MYO1B: variants seen among roughly 807,000 people sequenced by gnomAD.
The protein encoded by MYO1B is unconventional myosin-Ib.
MYO1B carries 72 observed loss-of-function variants against 159.7 expected under a neutral mutation model. The observed-to-expected ratio is 0.45, with a 90% CI of 0.37 to 0.55. The LOEUF (loss-of-function observed/expected upper bound fraction) is 0.55. MYO1B is among the 20% of genes least tolerant of loss of function. The probability of loss-of-function intolerance (pLI) is 0.00; values close to 1 mark genes in which losing one functional copy is unlikely to be tolerated. For synonymous variants in MYO1B, 468 were observed against 473.8 expected, an observed-to-expected ratio of 0.99 and a Z score of 0.16; for missense variants, 1,062 against 1,364.8, an observed-to-expected ratio of 0.78 and a Z score of 3.50.
At chr2:191,336,344 G>T (rs984946294) in intron 4 of MYO1B, among the ~76,000 whole-genome samples, 8 of 152,124 alleles carry the variant, frequency 5.3e-5, no homozygotes, top group Non-Finnish European at 1.0e-4. Context: ...ACTTACTGTA[G>T]CCTAAACATT....
chr2:191,357,787 A>G (rs576200682), intron 7 of MYO1B, among the ~76,000 whole-genome samples: 1 of 152,320 alleles, frequency 6.6e-6, no homozygotes, highest in East Asian at 1.9e-4. Context: ...ATTATTTGGT[A>G]TGGCTTCAAG....
intron 2 of MYO1B, among the ~76,000 whole-genome samples, chr2:191,293,109 A>T (rs1688779018): frequency 6.6e-6 from 1 of 152,270 alleles, no homozygotes; most frequent in Admixed American, 6.5e-5. Flanking sequence ...GTCATAAAAA[A>T]GGAGACACAT....
chr2:191,408,895 TAG>T (rs1257948963), intron 25 of MYO1B, 147 bp from the exon 26 acceptor site: 3 of 786,050 alleles, frequency 3.8e-6, no homozygotes. Context: ...AAGAGTGGAG[TAG>T]AGACTTCCCA....
At chr2:191,369,837 A>G (rs1694247940) in intron 12 of MYO1B, among the ~76,000 whole-genome samples, 1 of 152,134 alleles carries the variant, frequency 6.6e-6, no homozygotes, top group Non-Finnish European at 1.5e-5. Flanking sequence ...TGACTGGTGA[A>G]TAGTCTGATG....
intron 1 of MYO1B, among the ~76,000 whole-genome samples, chr2:191,275,216 T>C (rs1574315173): frequency 6.6e-6 from 1 of 152,312 alleles, no homozygotes; most frequent in East Asian, 1.9e-4. Flanking sequence ...TCTGGGACTT[T>C]TTGTTCCAGG....
chr2:191,315,651 G>C (rs1287940659), intron 3 of MYO1B, among the ~76,000 whole-genome samples: 1 of 152,186 alleles, frequency 6.6e-6, no homozygotes, highest in African/African-American at 2.4e-5. Flanking sequence ...TTGCCAATTA[G>C]ATTTCAAAGA....
Position 191,245,445 on chromosome 2 carries a change from G to A in MYO1B, c.-191G>A, listed in dbSNP as rs1685720743. 2 of 152,052 alleles carry A rather than the reference G, an allele frequency of 1.3e-5. No homozygotes were observed. Among genetic ancestry groups the A allele is most frequent in the Admixed American group, 6.6e-5 (1 of 15,258 alleles). 9.4% of individuals were successfully genotyped at this position (152,052 alleles called of 1,614,324 possible). A position where few individuals can be genotyped will look rare whatever the true frequency, so the allele number is the denominator to read the frequency against. The stretch of plus-strand genomic sequence containing the variant: ...GGTGCGCACGGGAGCCTCAACCGCG[G>A]CGCGTGGAGGCAGTACCAGAGCGCG... On this transcript the variant is annotated 5_prime_UTR_variant, in exon 1 of 31. Coordinates refer to ENST00000392318, the MANE Select transcript of MYO1B (RefSeq NM_001130158.3).
At chr2:191,296,966 T>A (rs1559148399) in intron 3 of MYO1B, among the ~76,000 whole-genome samples, 1 of 152,188 alleles carries the variant, frequency 6.6e-6, no homozygotes, top group East Asian at 1.9e-4. Context: ...CCCTAGAACT[T>A]TTATTCCTCC....
chr2:191,337,500 G>T (rs1427703931), intron 4 of MYO1B, among the ~76,000 whole-genome samples: 1 of 152,014 alleles, frequency 6.6e-6, no homozygotes, highest in Non-Finnish European at 1.5e-5. Flanking sequence ...TTTGTAACAG[G>T]CCCTTTGTCC....
rs951333629 is a variant in MYO1B, at chr2:191,347,192, T to C, written c.498+910T>C. ...TAGATCCCGTTTGGCTCTTTCCTCC[T>C]TAAGGTTATTTTGTGCTTAAGGCAG... On this transcript the variant is annotated intron_variant, in intron 6 of 30. Transcript: ENST00000392318. Among the ~76,000 whole-genome samples the C allele has an allele frequency of 3.3e-5, 5 of 152,326 alleles. No individual in the cohort carries two copies. The East Asian group carries it at 9.6e-4, about 29-fold the overall frequency.
At chr2:191,369,676 A>G (rs1016143572) in intron 12 of MYO1B, 48 bp downstream of exon 12, 1 of 1,376,534 alleles carries the variant, frequency 7.3e-7, no homozygotes, top group Non-Finnish European at 1.0e-6. Flanking sequence ...TGGTATTCAC[A>G]GTATAAACAT....
chr2:191,424,465 A>G lies in MYO1B; in HGVS notation c.*505A>G, dbSNP rs1403392662. On this transcript the variant is annotated 3_prime_UTR_variant, in exon 31 of 31. Coordinates refer to ENST00000392318, the MANE Select transcript of MYO1B (RefSeq NM_001130158.3). The stretch of plus-strand genomic sequence containing the variant: ...AAGAAGGTTTAGAAATGGTGAGACC[A>G]AAACAATAACTGTTAATGATGGACA... 6.5e-6 allele frequency: 1 copy of G among 153,024 alleles called. No individual in the cohort carries two copies. Among genetic ancestry groups the G allele is most frequent in the African/African-American group, 2.4e-5 (1 of 41,452 alleles). The allele number at this position is 153,024 out of a possible 1,614,324, so 9.5% of individuals were successfully genotyped here.
At chr2:191,324,128 A>G (rs1331403215) in intron 3 of MYO1B, among the ~76,000 whole-genome samples, 4 of 152,058 alleles carry the variant, frequency 2.6e-5, no homozygotes, top group East Asian at 3.8e-4. Context: ...CAACCTATCT[A>G]TGATTTTATA....
chr2:191,284,277 C>T (rs772793396), intron 2 of MYO1B, among the ~76,000 whole-genome samples: 5 of 152,172 alleles, frequency 3.3e-5, no homozygotes, highest in Admixed American at 6.5e-5. Flanking sequence ...ATCCATAGTG[C>T]AGAAAAATTT....
Position 191,320,468 on chromosome 2 carries a change from C to T in MYO1B, c.252-9467C>T, listed in dbSNP as rs139412214. ...TTTTGCCAATTCACTTTTCTTTCTG[C>T]ACAATAATATATGCAAGCTCAGACA... On this transcript the variant is annotated intron_variant, in intron 3 of 30. Coordinates refer to ENST00000392318, the MANE Select transcript of MYO1B (RefSeq NM_001130158.3). Among the ~76,000 whole-genome samples the T allele has an allele frequency of 8.4e-4, 128 of 152,156 alleles. 1 individual carries two copies. The East Asian group carries it at 0.013, about 16-fold the overall frequency.
intron 8 of MYO1B, among the ~76,000 whole-genome samples, chr2:191,360,942 T>C (rs1693630636): frequency 6.6e-6 from 1 of 152,214 alleles, no homozygotes; most frequent in South Asian, 2.1e-4. Flanking sequence ...CACAGCACTT[T>C]TTGAAGCATT....
At chr2:191,248,579 G>A (rs896516038) in intron 1 of MYO1B, among the ~76,000 whole-genome samples, 3 of 152,170 alleles carry the variant, frequency 2.0e-5, no homozygotes, top group Admixed American at 1.3e-4. Context: ...ATGGGGTATC[G>A]TACTACATGT....
intron 4 of MYO1B, among the ~76,000 whole-genome samples, chr2:191,335,981 T>G (rs1216941206): frequency 6.6e-6 from 1 of 152,164 alleles, no homozygotes; most frequent in Non-Finnish European, 1.5e-5. Flanking sequence ...AAAGTGCCCA[T>G]GTATTTTTAG....
In MYO1B at chr2:191,409,152, C is replaced by T; in HGVS notation, c.2740C>T (p.Leu914=). 6.2e-7 allele frequency: 1 copy of T among 1,611,300 alleles called. No homozygotes were observed. The highest frequency in any genetic ancestry group is 1.1e-5 in the South Asian group (1 of 90,072). ...ATTCTTGGATTCTACTCACAAGGAG[C>T]TAAAAAGGATTTTCCACTTGTGGAG... ...YLFLDSTHKE[L]KRIFHLWRCK... Residue 914 remains leucine (L), a synonymous_variant, in exon 26 of 31, where the codon CTA becomes TTA. Coordinates refer to ENST00000392318, the MANE Select transcript of MYO1B (RefSeq NM_001130158.3).
Sources: gnomAD v4.1 joint callset for allele counts (sites outside exome capture counted in the v4.1 genomes callset) on GRCh38, gnomAD v4.1.1 for gene constraint, MANE v1.5 for transcripts, NCBI Gene and HGNC (gene_info 2026-07-23, HGNC 2026-07-21) for gene names.